The following KIRREL3 variants were observed in gnomAD, a reference collection of about 807,000 sequenced individuals.
The protein encoded by KIRREL3 is kin of IRRE-like protein 3.
Under a neutral mutation model 89.7 loss-of-function variants are expected in KIRREL3, and 36 were observed. That is an observed-to-expected ratio of 0.40 (90% CI 0.31 to 0.53). The LOEUF (loss-of-function observed/expected upper bound fraction) is 0.53. Among genes scored for constraint, KIRREL3 ranks in the 20% least tolerant of loss-of-function variants. The probability of loss-of-function intolerance (pLI) is 0.49; values close to 1 mark genes in which losing one functional copy is unlikely to be tolerated. For missense variants in KIRREL3, 864 were observed against 1,056.6 expected (o/e 0.82, Z 2.53); for synonymous variants, 445 against 441.4 (o/e 1.01, Z -0.10).
chr11:126,436,862 C>A lies in KIRREL3; in HGVS notation c.1501G>T (p.Ala501Ser). Residue 501 changes from alanine to serine, a missense_variant, in exon 12 of 17, where the codon GCC becomes TCC. Transcript: ENST00000525144. ...GTGTCGGAGCCGAAGCTGTTCCAGGCCGTGCAGTTGTAGATGGTCTGGAAG... is the reference window on the plus strand; with the variant it reads ...GTGTCGGAGCCGAAGCTGTTCCAGGACGTGCAGTTGTAGATGGTCTGGAAG... ...ADFQTIYNCT[A>S]WNSFGSDTEI... 1 of 1,613,754 alleles carries A rather than the reference C, an allele frequency of 6.2e-7. No individual in the cohort carries two copies. Among genetic ancestry groups the A allele is most frequent in the Non-Finnish European group, 8.5e-7 (1 of 1,179,882 alleles).
chr11:126,649,647 G>A (rs1944831062), intron 1 of KIRREL3, among the ~76,000 whole-genome samples: 1 of 152,156 alleles, frequency 6.6e-6, no homozygotes, highest in African/African-American at 2.4e-5. Flanking sequence ...CATGGTCTTG[G>A]GTAGCTCTAT....
chr11:126,887,542 C>G (rs953138895), intron 1 of KIRREL3, among the ~76,000 whole-genome samples: 2 of 152,112 alleles, frequency 1.3e-5, no homozygotes, highest in African/African-American at 4.8e-5. Flanking sequence ...GTAACCCACC[C>G]CTCACTGCAG....
intron 1 of KIRREL3, among the ~76,000 whole-genome samples, chr11:126,921,325 A>G (rs905182620): frequency 6.6e-6 from 1 of 152,162 alleles, no homozygotes; most frequent in Non-Finnish European, 1.5e-5. Context: ...AAGGTTTATC[A>G]TGGGACTTCT....
chr11:126,580,496 C>T (rs112875023), intron 1 of KIRREL3, among the ~76,000 whole-genome samples: 3 of 152,074 alleles, frequency 2.0e-5, no homozygotes, highest in Non-Finnish European at 4.4e-5. Context: ...GAAGGCAGGA[C>T]CTGTGCAGGG....
intron 1 of KIRREL3, among the ~76,000 whole-genome samples, chr11:126,871,760 G>A (rs183101120): frequency 6.6e-6 from 1 of 152,332 alleles, no homozygotes; most frequent in East Asian, 1.9e-4. Context: ...GCAGGGAGGT[G>A]AGGAGTGATC....
intron 1 of KIRREL3, among the ~76,000 whole-genome samples, chr11:126,894,111 C>A (rs898043034): frequency 7.9e-5 from 12 of 152,184 alleles, no homozygotes; most frequent in African/African-American, 2.9e-4. Context: ...TTGGGGTGGC[C>A]CCCCAGGGTG....
intron 1 of KIRREL3, among the ~76,000 whole-genome samples, chr11:126,828,539 G>A (rs1943494332): frequency 6.6e-6 from 1 of 152,172 alleles, no homozygotes; most frequent in South Asian, 2.1e-4. Flanking sequence ...GCAGGACCAG[G>A]GGAGTGGGGG....
chr11:126,506,784 T>TG (rs1358178192), intron 4 of KIRREL3, among the ~76,000 whole-genome samples: 1 of 151,884 alleles, frequency 6.6e-6, no homozygotes, highest in Admixed American at 6.6e-5. Flanking sequence ...ACAATTTTTT[T>TG]TTTTTGTTTT....
At position 126,636,955 on chromosome 11, in the gene KIRREL3, G is replaced by A. The variant is rs1242285567; in HGVS notation, c.56-74043C>T. Among the ~76,000 whole-genome samples the A allele has an allele frequency of 6.6e-6, 1 of 152,186 alleles. No homozygotes were observed. The highest frequency in any genetic ancestry group is 1.5e-5 in the Non-Finnish European group (1 of 68,040). On this transcript the variant is annotated intron_variant, in intron 1 of 16. Transcript: ENST00000525144. This position sits in a 1 kb window ranked among gnomAD's most constrained non-coding sequence, Gnocchi z 4.4. The stretch of plus-strand genomic sequence containing the variant: ...AAAGAGATGACTGAGGGATAAAAAG[G>A]CGATGTGAAAGTCCCTAGGAGGGTA...
chr11:126,952,027 T>C (rs1031713283), intron 1 of KIRREL3, among the ~76,000 whole-genome samples: 32 of 152,214 alleles, frequency 2.1e-4, no homozygotes, highest in Non-Finnish European at 4.4e-4. Context: ...ATTCATCATA[T>C]AGATCTGTCT....
rs75979191 is a variant in KIRREL3 at position 126,987,528 on chromosome 11, A to G, written c.55+12927T>C. On this transcript the variant is annotated intron_variant, in intron 1 of 16. Coordinates refer to ENST00000525144, the MANE Select transcript of KIRREL3 (RefSeq NM_032531.4). This position sits in a 1 kb window ranked among gnomAD's most constrained non-coding sequence, Gnocchi z 4.6. The stretch of plus-strand genomic sequence containing the variant: ...CCAGTATTCAGCTGTTTTCACCTGT[A>G]AAGTATGGATTTCTCTCTGCAAAAA... Among the ~76,000 whole-genome samples, 5,280 of 152,258 alleles carry G rather than the reference A, an allele frequency of 0.035. 173 individuals are homozygous for G. Among genetic ancestry groups the G allele is most frequent in the African/African-American group, 0.084 (3,476 of 41,544 alleles).
rs1012835790 is a variant in KIRREL3, at chr11:126,719,760, C to G, written c.56-156848G>C. Among the ~76,000 whole-genome samples the G allele has an allele frequency of 2.6e-5, 4 of 152,212 alleles. No individual in the cohort carries two copies. Among genetic ancestry groups the G allele is most frequent in the African/African-American group, 9.7e-5 (4 of 41,450 alleles). On this transcript the variant is annotated intron_variant, in intron 1 of 16. Transcript: ENST00000525144. This position sits in a 1 kb window ranked among gnomAD's most constrained non-coding sequence, Gnocchi z 4.7. ...CAATCTTTTATCCAGAAAATGACCA[C>G]TTCTTACAACCTCTGCTGCCCCCAC...
intron 1 of KIRREL3, among the ~76,000 whole-genome samples, chr11:126,702,581 G>T (rs1035088528): frequency 6.6e-6 from 1 of 152,168 alleles, no homozygotes; most frequent in African/African-American, 2.4e-5. Context: ...CAGCAGACAC[G>T]CTGACTTCTT....
intron 1 of KIRREL3, among the ~76,000 whole-genome samples, chr11:126,631,135 T>G (rs1360901602): frequency 2.7e-5 from 4 of 150,408 alleles, no homozygotes; most frequent in African/African-American, 7.5e-5. Flanking sequence ...ATTCATTCAT[T>G]CATTCATTCA....
intron 1 of KIRREL3, among the ~76,000 whole-genome samples, chr11:126,774,237 A>G (rs58624552): frequency 0.017 from 2,615 of 151,624 alleles, 81 homozygotes; most frequent in African/African-American, 0.061. Flanking sequence ...AAAGGGCTCT[A>G]AAACCTAACT....
chr11:126,678,649 C>T (rs1196097431), intron 1 of KIRREL3, among the ~76,000 whole-genome samples: 1 of 140,830 alleles, frequency 7.1e-6, no homozygotes, highest in Non-Finnish European at 1.5e-5. Flanking sequence ...GAATGTTCTT[C>T]CTGGGTCATG....
intron 1 of KIRREL3, among the ~76,000 whole-genome samples, chr11:126,725,484 T>C (rs1165367394): frequency 1.3e-5 from 2 of 152,234 alleles, no homozygotes; most frequent in East Asian, 1.9e-4. Flanking sequence ...ATACATCTCA[T>C]TGTTGCCTGT....
intron 1 of KIRREL3, among the ~76,000 whole-genome samples, chr11:126,728,396 A>G (rs1436603340): frequency 6.6e-6 from 1 of 152,010 alleles, no homozygotes; most frequent in Non-Finnish European, 1.5e-5. Flanking sequence ...CCCACCTCCC[A>G]CCGTGTTAAA....
intron 1 of KIRREL3, among the ~76,000 whole-genome samples, chr11:126,803,681 C>T (rs1473968371): frequency 6.6e-6 from 1 of 152,266 alleles, no homozygotes; most frequent in East Asian, 1.9e-4. Flanking sequence ...TTTCCCCACA[C>T]TCTTCCCTCA....
Sources: gnomAD v4.1 joint callset for allele counts (sites outside exome capture counted in the v4.1 genomes callset) on GRCh38, gnomAD v4.1.1 for gene constraint, Gnocchi (gnomAD v3.1) non-coding constraint, MANE v1.5 for transcripts, NCBI Gene and HGNC (gene_info 2026-07-23, HGNC 2026-07-21) for gene names.